The following PCDHGB3 variants were observed in gnomAD, a reference collection of about 807,000 sequenced individuals.
PCDHGB3 encodes protocadherin gamma subfamily B, 3, also known as protocadherin gamma-B3.
PCDHGB3 carries 40 observed loss-of-function variants against 59.2 expected under a neutral mutation model. The observed-to-expected ratio is 0.68, with a 90% confidence interval of 0.52 to 0.88. The LOEUF (loss-of-function observed/expected upper bound fraction) is 0.88, where lower values mean the gene tolerates loss of function less well. Ranked by LOEUF, PCDHGB3 falls within the 40% of genes least tolerant of loss-of-function variation. PCDHGB3 has a pLI of 0.00. For missense variants in PCDHGB3, 1,309 were observed against 1,187.9 expected (o/e 1.10, Z -1.50); for synonymous variants, 581 against 503.6 (o/e 1.15, Z -2.06).
intron 1 of PCDHGB3, among the ~76,000 whole-genome samples, chr5:141,481,794 A>C (rs1433830305): frequency 6.6e-6 from 1 of 152,136 alleles, no homozygotes; most frequent in East Asian, 1.9e-4. Context: ...TCTACTAAAA[A>C]TACAAAAATT....
intron 1 of PCDHGB3, chr5:141,383,374 G>A (rs911594122): frequency 6.2e-7 from 1 of 1,614,028 alleles, no homozygotes; most frequent in Non-Finnish European, 8.5e-7. Flanking sequence ...CGAGGCTGGG[G>A]ATCCAGATGT....
chr5:141,400,645 G>T, intron 1 of PCDHGB3: 1 of 1,239,756 alleles, frequency 8.1e-7, no homozygotes, highest in Non-Finnish European at 1.2e-6. Context: ...TGCTCAGAAA[G>T]CTGTCCTACC....
chr5:141,479,333 G>A (rs2154577502), intron 1 of PCDHGB3: 1 of 152,652 alleles, frequency 6.6e-6, no homozygotes, highest in East Asian at 1.9e-4. Context: ...TCAGTGGTGT[G>A]CACCTGTAGT....
chr5:141,398,882 G>A, intron 1 of PCDHGB3: 1 of 1,613,930 alleles, frequency 6.2e-7, no homozygotes, highest in Non-Finnish European at 8.5e-7. Context: ...GTCAGCCTTC[G>A]GGAAAACGTG....
chr5:141,473,796 G>A (rs2099328996), intron 1 of PCDHGB3, among the ~76,000 whole-genome samples: 1 of 152,224 alleles, frequency 6.6e-6, no homozygotes, highest in African/African-American at 2.4e-5. Context: ...GCAGTATGAT[G>A]CTACTGAGGA....
intron 2 of PCDHGB3, among the ~76,000 whole-genome samples, chr5:141,505,122 A>G (rs2099843899): frequency 6.6e-6 from 1 of 152,194 alleles, no homozygotes; most frequent in Non-Finnish European, 1.5e-5. Context: ...AGATCGCGCC[A>G]CTGCACTCCA....
At chr5:141,375,691 C>T in intron 1 of PCDHGB3, 1 of 1,614,272 alleles carries the variant, frequency 6.2e-7, no homozygotes, top group South Asian at 1.1e-5. Context: ...CAGCCAGCGA[C>T]AGCGGGGACC....
At position 141,370,581 on chromosome 5, in the gene PCDHGB3, A is replaced by G. The variant is rs750222191; in HGVS notation, c.187A>G (p.Thr63Ala). 6.2e-6 allele frequency: 10 copies of G among 1,613,758 alleles called. No homozygotes were observed. The Admixed American group carries it at 1.0e-4, about 16-fold the overall frequency. ...DLGFGVGDLP[T>A]RNLRVIAEKK... ...GGGGTTTGGCGTGGGGGATTTACCT[A>G]CTAGGAACCTGCGGGTTATTGCAGA... Residue 63 changes from threonine (T) to alanine (A), a missense_variant, in exon 1 of 4, where the codon ACT becomes GCT. Thr to Ala is a moderately conservative substitution (Grantham distance 58, BLOSUM62 0). Coordinates refer to ENST00000576222, the MANE Select transcript of PCDHGB3 (RefSeq NM_018924.5).
intron 1 of PCDHGB3, among the ~76,000 whole-genome samples, chr5:141,451,387 T>C (rs1039738460): frequency 6.6e-6 from 1 of 152,116 alleles, no homozygotes; most frequent in African/African-American, 2.4e-5. Flanking sequence ...TCTCACATAG[T>C]TAATGGCAAA....
At chr5:141,447,023 G>GT (rs5871773) in intron 1 of PCDHGB3, among the ~76,000 whole-genome samples, 28,105 of 151,474 alleles carry the variant, frequency 0.19, 2,731 homozygotes, top group African/African-American at 0.24. Context: ...GTTTTGTTTT[G>GT]TTTTTTTTCT....
intron 1 of PCDHGB3, among the ~76,000 whole-genome samples, chr5:141,448,180 G>C (rs961721974): frequency 1.3e-5 from 2 of 151,998 alleles, no homozygotes; most frequent in African/African-American, 2.4e-5. Flanking sequence ...TTCATCCCTG[G>C]TTATGTACAC....
At chr5:141,392,641 C>CGAA in intron 1 of PCDHGB3, 1 of 655,502 alleles carries the variant, frequency 1.5e-6, no homozygotes, top group Non-Finnish European at 2.5e-6. Flanking sequence ...TCACACCTCA[C>CGAA]GAAGACCCGC....
At chr5:141,409,471 AG>A in intron 1 of PCDHGB3, 1 of 1,613,978 alleles carries the variant, frequency 6.2e-7, no homozygotes, top group Non-Finnish European at 8.5e-7. Flanking sequence ...TCACCATCGT[AG>A]CCACTGACAG....
chr5:141,491,659 G>A lies in PCDHGB3; in HGVS notation c.2416-3148G>A. On this transcript the variant is annotated intron_variant, in intron 1 of 3. Transcript: ENST00000576222. This position sits in a 1 kb window ranked among gnomAD's most constrained non-coding sequence, Gnocchi z 6.9. ...CACAGCTCTGGCGCTGGAGCCTGACGCCATCCGGTCCCGCTCTAATACGCT... is the reference window on the plus strand; with the variant it reads ...CACAGCTCTGGCGCTGGAGCCTGACACCATCCGGTCCCGCTCTAATACGCT... 6.2e-7 allele frequency: 1 copy of A among 1,613,766 alleles called. No homozygotes were observed. The highest frequency in any genetic ancestry group is 8.5e-7 in the Non-Finnish European group (1 of 1,180,004).
intron 1 of PCDHGB3, chr5:141,383,675 C>G: frequency 6.2e-7 from 1 of 1,614,006 alleles, no homozygotes; most frequent in Non-Finnish European, 8.5e-7. Flanking sequence ...CCAGTGGGTA[C>G]AAGACTGCTC....
At chr5:141,389,933 G>A (rs774443122) in intron 1 of PCDHGB3, 7 of 1,614,068 alleles carry the variant, frequency 4.3e-6, no homozygotes, top group Non-Finnish European at 5.9e-6. Context: ...CTGACCTCCA[G>A]GCTGAGCTGC....
At chr5:141,420,284 TA>T in intron 1 of PCDHGB3, 2 of 1,505,934 alleles carry the variant, frequency 1.3e-6, no homozygotes, top group East Asian at 2.3e-5. Context: ...GGTAAGTATT[TA>T]AAAATGTATT....
chr5:141,463,480 G>A (rs964539275), intron 1 of PCDHGB3, among the ~76,000 whole-genome samples: 3 of 114,320 alleles, frequency 2.6e-5, no homozygotes, highest in African/African-American at 1.1e-4. Context: ...ATGGAGTCTC[G>A]CTCTGTCACC....
chr5:141,414,413 C>T, intron 1 of PCDHGB3: 1 of 1,613,830 alleles, frequency 6.2e-7, no homozygotes. Flanking sequence ...ATACACAGAG[C>T]CCTTGACAGG....
Sources: allele counts gnomAD v4.1 joint callset (sites outside exome capture counted in the v4.1 genomes callset), GRCh38; gene constraint gnomAD v4.1.1; non-coding constraint Gnocchi (gnomAD v3.1); transcripts MANE v1.5; gene names NCBI Gene and HGNC (gene_info 2026-07-23, HGNC 2026-07-21).